Variants in KAZN observed in about 807,000 individuals in gnomAD.
The protein encoded by KAZN is kazrin.
A neutral mutation model predicts 87.4 loss-of-function variants in KAZN; 40 were observed. The ratio of observed to expected loss-of-function variants is 0.46; its 90% CI spans 0.36 to 0.60. The LOEUF is 0.60. Among genes scored for constraint, KAZN ranks in the 20% least tolerant of loss-of-function variants. The probability of loss-of-function intolerance (pLI) is 0.00; values close to 1 mark genes in which losing one functional copy is unlikely to be tolerated. For synonymous variants in KAZN, 466 were observed against 458.3 expected (o/e 1.02, Z -0.22); for missense variants, 898 against 1,073.9 (o/e 0.84, Z 2.29).
intron 1 of KAZN, among the ~76,000 whole-genome samples, chr1:14,857,169 A>G: frequency 6.6e-6 from 1 of 152,126 alleles, no homozygotes; most frequent in East Asian, 1.9e-4. Context: ...CTTTTGCAAA[A>G]TGGGGTAACA....
At chr1:13,952,915 C>T (rs944706564) in intron 1 of KAZN, among the ~76,000 whole-genome samples, 1 of 152,166 alleles carries the variant, frequency 6.6e-6, no homozygotes, top group African/African-American at 2.4e-5. Flanking sequence ...TGATTTTCCT[C>T]CTAGTTATAT....
chr1:14,844,000 A>G (rs915833247), intron 1 of KAZN, among the ~76,000 whole-genome samples: 5 of 152,194 alleles, frequency 3.3e-5, no homozygotes, highest in African/African-American at 7.2e-5. Flanking sequence ...TAAAAAGTAT[A>G]TTTGGAGTTT....
intron 2 of KAZN, among the ~76,000 whole-genome samples, chr1:14,514,414 A>AT (rs1313395813): frequency 2.9e-4 from 8 of 27,394 alleles, no homozygotes; most frequent in African/African-American, 5.2e-4. Flanking sequence ...TATAATATAT[A>AT]AATATATATA....
chr1:15,072,638 T>C (rs1021654156), intron 8 of KAZN, among the ~76,000 whole-genome samples: 3 of 152,178 alleles, frequency 2.0e-5, no homozygotes. Context: ...GTATAATCCT[T>C]CCAGCAACTC....
intron 1 of KAZN, among the ~76,000 whole-genome samples, chr1:14,915,079 C>T (rs1340361304): frequency 1.3e-5 from 2 of 151,962 alleles, no homozygotes; most frequent in Non-Finnish European, 2.9e-5. Context: ...CCCAGCTACT[C>T]GGGAGGCTGA....
chr1:15,099,318 A>G lies in KAZN; in HGVS notation c.1548-2225A>G, dbSNP rs1200178152. On this transcript the variant is annotated intron_variant, in intron 10 of 14. Transcript: ENST00000376030. This position sits in a 1 kb window ranked among gnomAD's most constrained non-coding sequence, Gnocchi z 5.4. ...GCAGTGAACGCAGTTTCTGTCCTGAATGAGCTTATCTGCTAAGGTGGGGAA... is the reference window on the plus strand; with the variant it reads ...GCAGTGAACGCAGTTTCTGTCCTGAGTGAGCTTATCTGCTAAGGTGGGGAA... Among the ~76,000 whole-genome samples, 1 of 152,230 alleles carries G rather than the reference A, an allele frequency of 6.6e-6. No individual in the cohort carries two copies. Among genetic ancestry groups the G allele is most frequent in the African/African-American group, 2.4e-5 (1 of 41,468 alleles).
intron 2 of KAZN, among the ~76,000 whole-genome samples, chr1:14,583,767 C>A (rs1391679076): frequency 1.3e-5 from 2 of 152,186 alleles, no homozygotes; most frequent in Non-Finnish European, 2.9e-5. Context: ...ACTCTGCAGG[C>A]TAGGGCTTGG....
intron 1 of KAZN, among the ~76,000 whole-genome samples, chr1:14,873,390 G>A (rs1652404747): frequency 6.6e-6 from 1 of 152,218 alleles, no homozygotes; most frequent in Admixed American, 6.5e-5. Flanking sequence ...AAGTGGGGAA[G>A]AGGGATGCAG....
intron 2 of KAZN, among the ~76,000 whole-genome samples, chr1:14,590,917 C>T (rs1676155670): frequency 6.6e-6 from 1 of 152,144 alleles, no homozygotes; most frequent in African/African-American, 2.4e-5. Flanking sequence ...GACTTAAACC[C>T]ATGCCTAACT....
At chr1:14,139,118 A>G (rs956462877) in intron 1 of KAZN, among the ~76,000 whole-genome samples, 3 of 152,178 alleles carry the variant, frequency 2.0e-5, no homozygotes, top group African/African-American at 7.2e-5. Flanking sequence ...CCCTTAATGC[A>G]TTAATTGCTA....
In KAZN at chr1:14,475,247, G is replaced by A. The variant is rs533385496; in HGVS notation, c.250-123736G>A. 5.0e-4 allele frequency among the ~76,000 whole-genome samples: 76 copies of A among 152,306 alleles called. 1 individual carries two copies. Among genetic ancestry groups the A allele is most frequent in the Middle Eastern group, 3.4e-3 (1 of 294 alleles). On this transcript the variant is annotated intron_variant, in intron 2 of 16. Coordinates refer to the KAZN transcript ENST00000636203. The stretch of plus-strand genomic sequence containing the variant: ...ATGCTTATTAAATTCTCAGGCTCCA[G>A]ACCAATCTCCTTTTGAACCTTATAG...
intron 1 of KAZN, among the ~76,000 whole-genome samples, chr1:13,987,672 G>A (rs1037063800): frequency 6.8e-6 from 1 of 148,080 alleles, no homozygotes; most frequent in African/African-American, 2.5e-5. Flanking sequence ...GGCAAAGAGA[G>A]GGAGAGAAAG....
intron 2 of KAZN, among the ~76,000 whole-genome samples, chr1:15,006,120 G>C (rs1364803630): frequency 2.6e-5 from 4 of 152,190 alleles, no homozygotes; most frequent in Non-Finnish European, 4.4e-5. Context: ...CCCACTCACT[G>C]GCCAGCCCAG....
intron 2 of KAZN, among the ~76,000 whole-genome samples, chr1:14,570,708 T>G (rs1437673386): frequency 6.6e-6 from 1 of 152,238 alleles, no homozygotes; most frequent in Non-Finnish European, 1.5e-5. Context: ...GACGAGTGTT[T>G]GTGTGGACGT....
chr1:14,146,321 G>C (rs1645347849), intron 1 of KAZN, among the ~76,000 whole-genome samples: 1 of 151,748 alleles, frequency 6.6e-6, no homozygotes, highest in African/African-American at 2.4e-5. Flanking sequence ...GATCGCCTGA[G>C]GTCAGGAGTT....
intron 2 of KAZN, among the ~76,000 whole-genome samples, chr1:14,466,673 A>AAAAG (rs1553176381): frequency 7.1e-6 from 1 of 141,598 alleles, no homozygotes; most frequent in Non-Finnish European, 1.6e-5. Flanking sequence ...AAAAAAAAAA[A>AAAAG]AAGAAGAAGA....
chr1:14,520,182 G>A (rs983334295), intron 2 of KAZN, among the ~76,000 whole-genome samples: 1 of 152,138 alleles, frequency 6.6e-6, no homozygotes, highest in African/African-American at 2.4e-5. Flanking sequence ...CCTGGCACTT[G>A]TTCATAATCA....
chr1:14,930,656 C>T lies in KAZN; in HGVS notation c.227-30028C>T, dbSNP rs539101221. 6.6e-5 allele frequency among the ~76,000 whole-genome samples: 10 copies of T among 152,360 alleles called. No individual in the cohort carries two copies. In the East Asian group the frequency reaches 1.7e-3, roughly 26 times the overall value. Reference sequence around the variant, plus strand: ...CCACTGAAGCTTGGGAGAGGTTACACCGGCTGTGGAAAGTAGCTGTTCCAG... The same window carrying T: ...CCACTGAAGCTTGGGAGAGGTTACATCGGCTGTGGAAAGTAGCTGTTCCAG... On this transcript the variant is annotated intron_variant, in intron 1 of 14. Transcript: ENST00000376030.
At chr1:15,060,360 C>T (rs1281504065) in intron 6 of KAZN, 58 bp downstream of exon 6, 25 of 1,446,356 alleles carry the variant, frequency 1.7e-5, no homozygotes, top group African/African-American at 2.8e-5. Flanking sequence ...ACTGCAGGGG[C>T]GGGGGTGGCG....
Sources: allele counts gnomAD v4.1 joint callset (sites outside exome capture counted in the v4.1 genomes callset), GRCh38; gene constraint gnomAD v4.1.1; non-coding constraint Gnocchi (gnomAD v3.1); transcripts MANE v1.5; gene names NCBI Gene and HGNC (gene_info 2026-07-23, HGNC 2026-07-21).